NALCN: variants seen among roughly 807,000 people sequenced by gnomAD.
The protein encoded by NALCN is sodium leak channel NALCN.
NALCN carries 111 observed loss-of-function variants against 225.3 expected under a neutral mutation model. The ratio of observed to expected loss-of-function variants is 0.49; its 90% CI spans 0.42 to 0.58. The LOEUF (loss-of-function observed/expected upper bound fraction) is 0.58, where lower values mean the gene tolerates loss of function less well. Among genes scored for constraint, NALCN ranks in the 20% least tolerant of loss-of-function variants. NALCN has a pLI of 0.00. For missense variants in NALCN, 1,378 were observed against 2,202.4 expected (o/e 0.63, Z 7.49); for synonymous variants, 764 against 769.0 (o/e 0.99, Z 0.11).
intron 22 of NALCN, among the ~76,000 whole-genome samples, chr13:101,106,927 G>T (rs1215995275): frequency 6.6e-6 from 1 of 152,140 alleles, no homozygotes; most frequent in Non-Finnish European, 1.5e-5. Flanking sequence ...ACTTGGCTTA[G>T]GTGTCCACAA....
chr13:101,165,801 G>C (rs1261963654), intron 15 of NALCN, among the ~76,000 whole-genome samples: 4 of 152,226 alleles, frequency 2.6e-5, no homozygotes, highest in Admixed American at 2.6e-4. Flanking sequence ...TAAGTGTACA[G>C]TTCAGCAGTG....
rs2047254292 is a variant in NALCN, at chr13:101,395,215, T to C, written c.259A>G (p.Ile87Val). Residue 87 changes from isoleucine to valine, a missense_variant, in exon 3 of 44, where the codon ATA (isoleucine) becomes GTA (valine). Physicochemically the swap from Ile to Val is conservative, Grantham distance 29. Around this residue, in one of 19 missense-constraint regions of NALCN, gnomAD observed 146 missense variants for 205.9 expected, o/e 0.71. Transcript: ENST00000251127. ...LLMFLYTAEM[I>V]AKMHIRGIVK... ...ATGCCCCGGATGTGCATTTTTGCTATCATCTCTGCCGTGTAGAGAAACATC... is the reference window on the plus strand; with the variant it reads ...ATGCCCCGGATGTGCATTTTTGCTACCATCTCTGCCGTGTAGAGAAACATC... 3.7e-6 allele frequency: 6 copies of C among 1,613,542 alleles called. No individual in the cohort carries two copies. The highest frequency in any genetic ancestry group is 1.1e-5 in the South Asian group (1 of 90,970).
chr13:101,300,840 T>A (rs1026932703), intron 7 of NALCN, among the ~76,000 whole-genome samples: 20 of 152,250 alleles, frequency 1.3e-4, no homozygotes, highest in East Asian at 1.2e-3. Flanking sequence ...AGGACTTTTT[T>A]AAAATTATAA....
chr13:101,131,531 A>G lies in NALCN; in HGVS notation c.2119-6850T>C, dbSNP rs367897958. On this transcript the variant is annotated intron_variant, in intron 17 of 43. Transcript: ENST00000251127. Reference sequence around the variant, plus strand: ...TTTCCCAATCCTCCTCCCCCCACAAATTTTGTCTGGATCTGCTTTTATCCT... The same window carrying G: ...TTTCCCAATCCTCCTCCCCCCACAAGTTTTGTCTGGATCTGCTTTTATCCT... Among the ~76,000 whole-genome samples, 8 of 151,786 alleles carry G rather than the reference A, an allele frequency of 5.3e-5. No homozygotes were observed. In the South Asian group the frequency reaches 1.2e-3, roughly 24 times the overall value.
chr13:101,275,488 A>G (rs939737232), intron 10 of NALCN, among the ~76,000 whole-genome samples: 4 of 152,200 alleles, frequency 2.6e-5, no homozygotes, highest in African/African-American at 9.6e-5. Flanking sequence ...GGAAAACTGC[A>G]TTCTCATCCC....
intron 10 of NALCN, among the ~76,000 whole-genome samples, chr13:101,272,529 C>T (rs1379318814): frequency 6.6e-6 from 1 of 152,132 alleles, no homozygotes; most frequent in Non-Finnish European, 1.5e-5. Flanking sequence ...TCAGAGATCA[C>T]TCTGTTGAGG....
chr13:101,360,193 TCTC>T (rs1566614912), intron 6 of NALCN, among the ~76,000 whole-genome samples: 1,379 of 46,774 alleles, frequency 0.029, 32 homozygotes, highest in African/African-American at 0.13. Flanking sequence ...TCTCTTCCTC[TCTC>T]TCTCTCTCTC....
chr13:101,382,307 C>A (rs2046872410), intron 3 of NALCN, among the ~76,000 whole-genome samples: 1 of 106,742 alleles, frequency 9.4e-6, no homozygotes. Flanking sequence ...GGGAGGGGGG[C>A]GGGCAAGTGA....
At chr13:101,149,017 G>A (rs7983862) in intron 15 of NALCN, among the ~76,000 whole-genome samples, 74,896 of 152,006 alleles carry the variant, frequency 0.49, 19,458 homozygotes, top group East Asian at 0.92. Flanking sequence ...TTGTAGGCTG[G>A]GCGCAGTGGC....
At chr13:101,295,440 T>C (rs1456043147) in intron 7 of NALCN, among the ~76,000 whole-genome samples, 1 of 152,164 alleles carries the variant, frequency 6.6e-6, no homozygotes, top group African/African-American at 2.4e-5. Context: ...CACTATAAGA[T>C]TAAATTTGAG....
intron 7 of NALCN, among the ~76,000 whole-genome samples, chr13:101,337,688 T>TGGCA (rs2045425960): frequency 6.6e-6 from 1 of 152,208 alleles, no homozygotes; most frequent in African/African-American, 2.4e-5. Flanking sequence ...TATGCCACTA[T>TGGCA]GGCAGGTCAC....
intron 7 of NALCN, among the ~76,000 whole-genome samples, chr13:101,311,488 C>A (rs1057142640): frequency 6.7e-5 from 10 of 149,378 alleles, no homozygotes; most frequent in South Asian, 6.4e-4. Context: ...ATGATATTGG[C>A]TGTGGGTTTG....
chr13:101,120,522 A>C (rs1231004641), intron 18 of NALCN, among the ~76,000 whole-genome samples: 2 of 78,726 alleles, frequency 2.5e-5, no homozygotes, highest in African/African-American at 3.8e-4. Flanking sequence ...GCCAAACTTA[A>C]AAAAAAAAAA....
rs1475371083 is a variant in NALCN at position 101,107,578 on chromosome 13, G to T, written c.2488C>A (p.His830Asn). 1 of 1,613,992 alleles carries T rather than the reference G, an allele frequency of 6.2e-7. No homozygotes were observed. Residue 830 changes from histidine to asparagine, a missense_variant, in exon 22 of 44, where the codon CAC becomes AAC. This residue lies in a region of NALCN where 292 missense variants were observed against 409.5 expected (regional missense o/e 0.71). Transcript: ENST00000251127. The stretch of plus-strand genomic sequence containing the variant: ...AACAGTGGCTTATCGAAGTATGGGT[G>T]GTTCTCTCTGAGTTCCTCTTCTTGC... ...KVQEEELREN[H>N]PYFDKPLFIV...
At chr13:101,413,778 A>G (rs2047854251) in intron 1 of NALCN, among the ~76,000 whole-genome samples, 2 of 152,222 alleles carry the variant, frequency 1.3e-5, no homozygotes, top group South Asian at 4.1e-4. Context: ...GCATTTGCAT[A>G]GAGTTTGAAG....
At chr13:101,126,362 T>C (rs1247432500) in intron 17 of NALCN, among the ~76,000 whole-genome samples, 2 of 152,178 alleles carry the variant, frequency 1.3e-5, no homozygotes, top group Non-Finnish European at 1.5e-5. Context: ...AATTAATGTA[T>C]GGACAAGGAG....
intron 34 of NALCN, among the ~76,000 whole-genome samples, chr13:101,080,667 AAAT>A (rs925569060): frequency 1.8e-4 from 26 of 146,760 alleles, no homozygotes; most frequent in East Asian, 3.9e-4. Flanking sequence ...ATAACTATAT[AAAT>A]AATAAAAATA....
intron 15 of NALCN, among the ~76,000 whole-genome samples, chr13:101,174,108 T>G (rs966506212): frequency 6.6e-6 from 1 of 152,214 alleles, no homozygotes; most frequent in African/African-American, 2.4e-5. Flanking sequence ...TAACTTAGTT[T>G]AATAATATTT....
chr13:101,120,757 C>T (rs193198885), intron 18 of NALCN, among the ~76,000 whole-genome samples: 17 of 152,172 alleles, frequency 1.1e-4, no homozygotes, highest in African/African-American at 3.6e-4. Flanking sequence ...GAACCAAAGC[C>T]GGGGGAAAGA....
Sources: allele counts gnomAD v4.1 joint callset (sites outside exome capture counted in the v4.1 genomes callset), GRCh38; gene constraint gnomAD v4.1.1; regional missense constraint gnomAD v4.1.1; transcripts MANE v1.5; gene names NCBI Gene and HGNC (gene_info 2026-07-23, HGNC 2026-07-21).